Variants in DEPTOR observed in about 807,000 individuals in gnomAD.
The protein encoded by DEPTOR is DEP domain-containing mTOR-interacting protein.
A neutral mutation model predicts 41.6 loss-of-function variants in DEPTOR; 41 were observed. The observed-to-expected ratio is 0.98, with a 90% CI of 0.77 to 1.28. The LOEUF (loss-of-function observed/expected upper bound fraction) is 1.28. Among genes scored for constraint, DEPTOR ranks in the 50% most tolerant of loss-of-function variants. The pLI is 0.00. For synonymous variants in DEPTOR, 195 were observed against 192.3 expected (o/e 1.01, Z -0.12); for missense variants, 514 against 527.9 (o/e 0.97, Z 0.26).
intron 8 of DEPTOR, among the ~76,000 whole-genome samples, chr8:120,032,142 C>T (rs921279497): frequency 1.3e-5 from 2 of 151,988 alleles, no homozygotes; most frequent in Admixed American, 6.6e-5. Flanking sequence ...TCCATATTCC[C>T]TGAGCCCTCA....
At chr8:119,904,243 C>T (rs1022518493) in intron 1 of DEPTOR, among the ~76,000 whole-genome samples, 2 of 151,832 alleles carry the variant, frequency 1.3e-5, no homozygotes, top group South Asian at 2.1e-4. Context: ...TCAGCCGCCC[C>T]GAGTAGTTGG....
chr8:119,939,157 A>G (rs1289186223), intron 3 of DEPTOR, among the ~76,000 whole-genome samples: 1 of 152,184 alleles, frequency 6.6e-6, no homozygotes, highest in East Asian at 1.9e-4. Context: ...CTCTATGTAA[A>G]CAATGTCTCA....
intron 1 of DEPTOR, among the ~76,000 whole-genome samples, chr8:119,892,456 C>G (rs1219543306): frequency 6.6e-6 from 1 of 152,184 alleles, no homozygotes; most frequent in Non-Finnish European, 1.5e-5. Flanking sequence ...AGTAATGAAT[C>G]CAAATAAAAG....
At chr8:120,049,546 A>G (rs767838570) in intron 8 of DEPTOR, 30 bp from the exon 9 acceptor site, 3 of 1,609,436 alleles carry the variant, frequency 1.9e-6, no homozygotes, top group Non-Finnish European at 2.5e-6. Flanking sequence ...GCGCTATAAT[A>G]GATGCTCTTT....
chr8:119,996,352 A>G (rs961506261), intron 4 of DEPTOR, among the ~76,000 whole-genome samples: 1 of 152,232 alleles, frequency 6.6e-6, no homozygotes, highest in African/African-American at 2.4e-5. Context: ...TAATAAATGT[A>G]TAATTTATTG....
chr8:119,953,711 G>T lies in DEPTOR; in HGVS notation c.426-11521G>T, dbSNP rs138982156. ...TATCTAGATTCTTCTTGGCCTTTCTGAGCATGCATTCCTTCTGAGTGTGGG... is the reference window on the plus strand; with the variant it reads ...TATCTAGATTCTTCTTGGCCTTTCTTAGCATGCATTCCTTCTGAGTGTGGG... On this transcript the variant is annotated intron_variant, in intron 3 of 8. Coordinates refer to ENST00000286234, the MANE Select transcript of DEPTOR (RefSeq NM_022783.4). 9.1e-3 allele frequency among the ~76,000 whole-genome samples: 1,380 copies of T among 152,056 alleles called. 19 individuals are homozygous for T. The highest frequency in any genetic ancestry group is 0.032 in the African/African-American group (1,330 of 41,500).
intron 1 of DEPTOR, among the ~76,000 whole-genome samples, chr8:119,877,872 T>C (rs923293213): frequency 6.6e-6 from 1 of 152,188 alleles, no homozygotes; most frequent in Non-Finnish European, 1.5e-5. Flanking sequence ...GTTATGACTA[T>C]TGTAACCTCC....
intron 4 of DEPTOR, among the ~76,000 whole-genome samples, chr8:119,979,617 CTT>C (rs1563580625): frequency 6.6e-6 from 1 of 152,092 alleles, no homozygotes; most frequent in African/African-American, 2.4e-5. Context: ...AGTGATGACA[CTT>C]AACCCAACAA....
chr8:119,966,706 G>C (rs1413983232), intron 4 of DEPTOR, among the ~76,000 whole-genome samples: 2 of 151,850 alleles, frequency 1.3e-5, no homozygotes, highest in Non-Finnish European at 2.9e-5. Context: ...CTAACTACTG[G>C]CCTCAAGTGA....
At chr8:120,043,089 A>G (rs58669058) in intron 8 of DEPTOR, among the ~76,000 whole-genome samples, 1 of 138,916 alleles carries the variant, frequency 7.2e-6, no homozygotes, top group Admixed American at 7.0e-5. Flanking sequence ...CTTTTTTTTT[A>G]AAATTTTTTA....
intron 3 of DEPTOR, among the ~76,000 whole-genome samples, chr8:119,936,671 A>G (rs962868288): frequency 6.6e-6 from 1 of 152,186 alleles, no homozygotes; most frequent in African/African-American, 2.4e-5. Flanking sequence ...TTCTATTTCC[A>G]GTATAGAGGT....
At chr8:119,885,279 T>C (rs1827349806) in intron 1 of DEPTOR, among the ~76,000 whole-genome samples, 1 of 152,226 alleles carries the variant, frequency 6.6e-6, no homozygotes, top group African/African-American at 2.4e-5. Flanking sequence ...TATATGACTG[T>C]GTTTTACATT....
At chr8:120,024,927 A>T (rs1812776238) in intron 8 of DEPTOR, among the ~76,000 whole-genome samples, 2 of 152,174 alleles carry the variant, frequency 1.3e-5, no homozygotes, top group Non-Finnish European at 2.9e-5. Flanking sequence ...GATACAGGGG[A>T]GAAACCAATA....
intron 4 of DEPTOR, among the ~76,000 whole-genome samples, chr8:119,968,703 A>G (rs1236047872): frequency 1.3e-5 from 2 of 152,178 alleles, no homozygotes; most frequent in East Asian, 3.8e-4. Context: ...CACCAATAGG[A>G]TAAATCACTT....
intron 1 of DEPTOR, among the ~76,000 whole-genome samples, chr8:119,928,132 T>C (rs972767134): frequency 3.3e-5 from 5 of 151,976 alleles, no homozygotes; most frequent in Non-Finnish European, 7.4e-5. Flanking sequence ...GATGGAGAGC[T>C]TTTCTCACTC....
chr8:119,881,868 T>C (rs973484613), intron 1 of DEPTOR, among the ~76,000 whole-genome samples: 1 of 152,006 alleles, frequency 6.6e-6, no homozygotes, highest in African/African-American at 2.4e-5. Context: ...TCATGTAGAA[T>C]GTTTATTCTA....
At chr8:119,964,800 G>A (rs1828536090) in intron 3 of DEPTOR, among the ~76,000 whole-genome samples, 1 of 151,990 alleles carries the variant, frequency 6.6e-6, no homozygotes, top group South Asian at 2.1e-4. Flanking sequence ...AATTACATGT[G>A]TGGTAGGCTG....
intron 3 of DEPTOR, among the ~76,000 whole-genome samples, chr8:119,955,108 T>C (rs989340085): frequency 6.6e-6 from 1 of 152,184 alleles, no homozygotes; most frequent in African/African-American, 2.4e-5. Flanking sequence ...TCTAACCACC[T>C]CGGCCTCCCA....
intron 1 of DEPTOR, among the ~76,000 whole-genome samples, chr8:119,878,444 C>A (rs140833583): frequency 0.018 from 2,787 of 151,952 alleles, 84 homozygotes; most frequent in African/African-American, 0.063. Context: ...CTCAGCCTCC[C>A]GAGTAGGTGG....
Sources: allele counts gnomAD v4.1 joint callset (sites outside exome capture counted in the v4.1 genomes callset), GRCh38; gene constraint gnomAD v4.1.1; transcripts MANE v1.5; gene names NCBI Gene and HGNC (gene_info 2026-07-23, HGNC 2026-07-21).